Variants in RGS5 observed in about 807,000 individuals in gnomAD.
RGS5 encodes regulator of G protein signaling 5.
A neutral mutation model predicts 18.9 loss-of-function variants in RGS5; 20 were observed. That is an observed-to-expected ratio of 1.06 (90% CI 0.74 to 1.54). RGS5 has a LOEUF of 1.54. RGS5 is among the 40% of genes most tolerant of loss of function. The pLI is 0.00. For missense variants in RGS5, 201 were observed against 211.8 expected (o/e 0.95, Z 0.32); for synonymous variants, 57 against 76.2 (o/e 0.75, Z 1.31).
At chr1:163,291,273 C>T (rs1184434572) in intron 2 of RGS5, among the ~76,000 whole-genome samples, 4 of 152,106 alleles carry the variant, frequency 2.6e-5, no homozygotes, top group African/African-American at 4.8e-5. Context: ...AAAATTATGG[C>T]GGCGGGCAGG....
intron 2 of RGS5, among the ~76,000 whole-genome samples, chr1:163,164,802 T>C (rs966038099): frequency 6.6e-6 from 1 of 152,206 alleles, no homozygotes; most frequent in Non-Finnish European, 1.5e-5. Flanking sequence ...TGCCTGTGGT[T>C]GGGTTTTTTG....
In RGS5 at chr1:163,223,890, G is replaced by T. The variant is rs548253676; in HGVS notation, c.-280-55522C>A. ...TTTATAGGTCTGGGAGCAACATAAG[G>T]TCATGGTGGTAAGGCTTTTTGAGTT... On this transcript the variant is annotated intron_variant, in intron 2 of 5. Coordinates refer to the RGS5 transcript ENST00000618415. Among the ~76,000 whole-genome samples the T allele has an allele frequency of 3.3e-5, 5 of 152,212 alleles. No homozygotes were observed. In the East Asian group the frequency reaches 9.6e-4, roughly 29 times the overall value.
intron 2 of RGS5, among the ~76,000 whole-genome samples, chr1:163,292,561 A>G (rs1649314833): frequency 6.6e-6 from 1 of 152,184 alleles, no homozygotes; most frequent in Admixed American, 6.5e-5. Context: ...GTCAAATGGT[A>G]TTTATGCCTC....
upstream of RGS5, among the ~76,000 whole-genome samples, chr1:163,204,023 C>A (rs1196567267): frequency 3.9e-5 from 6 of 152,088 alleles, no homozygotes; most frequent in African/African-American, 1.4e-4. Flanking sequence ...TCTCTGTTAT[C>A]TGAAATTAGT....
chr1:163,170,378 T>C (rs1658245717), intron 1 of RGS5, among the ~76,000 whole-genome samples: 1 of 152,214 alleles, frequency 6.6e-6, no homozygotes, highest in Non-Finnish European at 1.5e-5. Context: ...GATTTTGTTC[T>C]TTACAAATCT....
In RGS5 at chr1:163,156,540, A is replaced by G. The variant is rs145994838; in HGVS notation, c.218-3824T>C. ...TTTTGTTGGGATTGTTTGCTTCTAT[A>G]TCTTTTCCATTAGGCTGTTAATTCT... On this transcript the variant is annotated intron_variant, in intron 3 of 4. Transcript: ENST00000313961. Among the ~76,000 whole-genome samples the G allele has an allele frequency of 4.3e-4, 65 of 152,208 alleles. No individual in the cohort carries two copies. The East Asian group carries it at 0.01, about 24-fold the overall frequency.
At chr1:163,200,047 A>G (rs1659715405) in intron 1 of RGS5, among the ~76,000 whole-genome samples, 1 of 152,174 alleles carries the variant, frequency 6.6e-6, no homozygotes, top group Non-Finnish European at 1.5e-5. Flanking sequence ...GACTAAGTGT[A>G]CCTCACTTCG....
Position 163,145,603 on chromosome 1 carries a change from T to C in RGS5, c.*1739A>G, listed in dbSNP as rs1238681326. On this transcript the variant is annotated 3_prime_UTR_variant, in exon 5 of 5. Coordinates refer to ENST00000313961, the MANE Select transcript of RGS5 (RefSeq NM_003617.4). ...AGTGAGCAATACTGGCAAATATGAATGAATTCACACCACTAGCAATTGTTG... is the reference window on the plus strand; with the variant it reads ...AGTGAGCAATACTGGCAAATATGAACGAATTCACACCACTAGCAATTGTTG... 1 of 152,160 alleles carries C rather than the reference T, an allele frequency of 6.6e-6. No homozygotes were observed. The highest frequency in any genetic ancestry group is 2.4e-5 in the African/African-American group (1 of 41,446). The allele number at this position is 152,160 out of a possible 1,614,324, so 9.4% of individuals were successfully genotyped here.
At chr1:163,308,657 T>C (rs1649769732) in intron 1 of RGS5, 1 of 152,168 alleles carries the variant, frequency 6.6e-6, no homozygotes, top group Admixed American at 6.5e-5. Flanking sequence ...AAAGTCCAAA[T>C]AAGACTCAGT....
intron 2 of RGS5, among the ~76,000 whole-genome samples, chr1:163,258,649 G>C (rs889962910): frequency 3.5e-5 from 3 of 86,772 alleles, no homozygotes; most frequent in African/African-American, 1.7e-4. Context: ...GTGTGTCTGT[G>C]TGTGTGTGTG....
chr1:163,240,921 G>A (rs188355943), intron 2 of RGS5, among the ~76,000 whole-genome samples: 1 of 152,070 alleles, frequency 6.6e-6, no homozygotes, highest in African/African-American at 2.4e-5. Context: ...ATAGCCCCAG[G>A]CACCATGACT....
chr1:163,199,268 C>T (rs78571935), intron 1 of RGS5, among the ~76,000 whole-genome samples: 4,049 of 152,044 alleles, frequency 0.027, 80 homozygotes, highest in South Asian at 0.055. Context: ...GAATTATTTG[C>T]CTCTTTAAAC....
At chr1:163,158,117 A>G (rs1657661642) in intron 3 of RGS5, among the ~76,000 whole-genome samples, 1 of 152,220 alleles carries the variant, frequency 6.6e-6, no homozygotes, top group African/African-American at 2.4e-5. Flanking sequence ...AACTTCTCAT[A>G]AGAACTGATT....
Position 163,238,913 on chromosome 1 carries a change from T to C in RGS5, c.-281+67320A>G, listed in dbSNP as rs185439463. 4.2e-3 allele frequency: 777 copies of C among 184,730 alleles called. 5 individuals carry two copies. The highest frequency in any genetic ancestry group is 0.017 in the African/African-American group (729 of 41,814). 11.4% of individuals were successfully genotyped at this position (184,730 alleles called of 1,614,324 possible). ...AAAAAGAAAAGTCTTGGATTATTTA[T>C]GTTTAAAAATAGGAAAGATTTAATT... On this transcript the variant is annotated intron_variant, in intron 2 of 5. Transcript: ENST00000618415.
At chr1:163,153,556 C>T (rs367854866) in intron 3 of RGS5, among the ~76,000 whole-genome samples, 201 of 152,022 alleles carry the variant, frequency 1.3e-3, no homozygotes, top group African/African-American at 4.7e-3. Context: ...ATGATTATAG[C>T]TATTATGATT....
intron 2 of RGS5, among the ~76,000 whole-genome samples, chr1:163,227,629 T>G (rs544704083): frequency 7.4e-6 from 1 of 134,710 alleles, no homozygotes; most frequent in Non-Finnish European, 1.6e-5. Flanking sequence ...AACACAATCA[T>G]GCCCTTCCAA....
At chr1:163,155,387 C>T (rs1657540816) in intron 3 of RGS5, among the ~76,000 whole-genome samples, 1 of 152,188 alleles carries the variant, frequency 6.6e-6, no homozygotes, top group Non-Finnish European at 1.5e-5. Context: ...AATTTTGTAA[C>T]TTTCATTGAA....
At chr1:163,165,377 ATATC>A (rs776501334) in intron 2 of RGS5, among the ~76,000 whole-genome samples, 16 of 152,246 alleles carry the variant, frequency 1.1e-4, no homozygotes, top group Non-Finnish European at 1.9e-4. Flanking sequence ...AGCTATATGA[ATATC>A]TATATCAGCT....
At chr1:163,149,935 G>A (rs1345388453) in intron 4 of RGS5, among the ~76,000 whole-genome samples, 1 of 152,212 alleles carries the variant, frequency 6.6e-6, no homozygotes, top group Non-Finnish European at 1.5e-5. Flanking sequence ...GATGGTTACA[G>A]TTAAAAGAAC....
Sources: allele counts gnomAD v4.1 joint callset (sites outside exome capture counted in the v4.1 genomes callset), GRCh38; gene constraint gnomAD v4.1.1; transcripts MANE v1.5; gene names NCBI Gene and HGNC (gene_info 2026-07-23, HGNC 2026-07-21).